Variants in BRINP3 observed in about 807,000 individuals in gnomAD.
BRINP3 encodes the protein BMP/retinoic acid-inducible neural-specific protein 3.
Under a neutral mutation model 71.0 loss-of-function variants are expected in BRINP3, and 19 were observed. The observed-to-expected ratio is 0.27, with a 90% confidence interval of 0.19 to 0.39. The LOEUF (loss-of-function observed/expected upper bound fraction) is 0.39, where lower values mean the gene tolerates loss of function less well. BRINP3 is among the 10% of genes least tolerant of loss of function. BRINP3 has a pLI of 1.00. For missense variants in BRINP3, 959 were observed against 940.8 expected (o/e 1.02, Z -0.25); for synonymous variants, 380 against 337.7 (o/e 1.13, Z -1.37).
At chr1:190,438,403 A>G (rs1377114378) in intron 2 of BRINP3, among the ~76,000 whole-genome samples, 2 of 151,756 alleles carry the variant, frequency 1.3e-5, no homozygotes, top group African/African-American at 2.4e-5. Flanking sequence ...CTCTCGATAT[A>G]TGTAAAACAG....
chr1:190,104,174 A>G (rs1477481375), intron 7 of BRINP3, among the ~76,000 whole-genome samples: 1 of 152,048 alleles, frequency 6.6e-6, no homozygotes, highest in Non-Finnish European at 1.5e-5. Context: ...TTATTGCCAT[A>G]GCAGGACAAC....
intron 2 of BRINP3, among the ~76,000 whole-genome samples, chr1:190,287,096 G>A (rs1055512104): frequency 6.6e-6 from 1 of 151,686 alleles, no homozygotes; most frequent in African/African-American, 2.4e-5. Context: ...CTGTGGTGGT[G>A]TGTGCCTGTA....
At chr1:190,432,051 C>CAT (rs1348093719) in intron 2 of BRINP3, among the ~76,000 whole-genome samples, 1 of 151,956 alleles carries the variant, frequency 6.6e-6, no homozygotes, top group Non-Finnish European at 1.5e-5. Context: ...CAAACATGTT[C>CAT]ATATATATAC....
Position 190,271,577 on chromosome 1 carries a change from T to A in BRINP3, c.428-6522A>T, listed in dbSNP as rs1298779489. 2.0e-5 allele frequency among the ~76,000 whole-genome samples: 3 copies of A among 151,734 alleles called. No individual in the cohort carries two copies. In the South Asian group the frequency reaches 6.2e-4, roughly 31 times the overall value. ...TTTAGCTAGTTTATCTTATTTGTGA[T>A]GAGAAGTTGGCCTTTCTACTTTTAC... is the stretch of plus-strand genomic sequence containing the variant. On this transcript the variant is annotated intron_variant, in intron 3 of 7. Transcript: ENST00000367462.
intron 5 of BRINP3, among the ~76,000 whole-genome samples, chr1:190,229,693 G>T (rs892483266): frequency 1.9e-5 from 2 of 103,162 alleles, no homozygotes; most frequent in South Asian, 3.4e-4. Flanking sequence ...CACACACAAA[G>T]AAACCACTAG....
Position 190,422,110 on chromosome 1 carries a change from A to G in BRINP3, c.236+32545T>C, listed in dbSNP as rs1673426589. ...ATTGACCTGAGGATAATTCTTTAAC[A>G]TTTTTTTTACATCTCAGCCTTCTAA... is the stretch of plus-strand genomic sequence containing the variant. On this transcript the variant is annotated intron_variant, in intron 2 of 7. Coordinates refer to ENST00000367462, the MANE Select transcript of BRINP3 (RefSeq NM_199051.3). Among the ~76,000 whole-genome samples, 5 of 151,420 alleles carry G rather than the reference A, an allele frequency of 3.3e-5. No homozygotes were observed. The Admixed American group carries it at 3.3e-4, about 10-fold the overall frequency.
intron 4 of BRINP3, among the ~76,000 whole-genome samples, chr1:190,257,229 A>G (rs1660743821): frequency 6.6e-6 from 1 of 152,000 alleles, no homozygotes; most frequent in African/African-American, 2.4e-5. Flanking sequence ...GCTTTATTTC[A>G]TTAATTTGAT....
rs530917615 is a variant in BRINP3 at position 190,278,695 on chromosome 1, T to A, written c.427+2865A>T. ...CTCAATCCAAGGAATATTCAGAGAT[T>A]AGAAACTGAGTAAGGTTGTTAATTC... On this transcript the variant is annotated intron_variant, in intron 3 of 7. Transcript: ENST00000367462. Among the ~76,000 whole-genome samples the A allele has an allele frequency of 9.9e-5, 15 of 151,766 alleles. No individual in the cohort carries two copies. In the East Asian group the frequency reaches 2.7e-3, roughly 27 times the overall value.
Position 190,098,755 on chromosome 1 carries a change from T to C in BRINP3, c.1564A>G (p.Asn522Asp). 6.2e-7 allele frequency: 1 copy of C among 1,614,196 alleles called. No homozygotes were observed. Among genetic ancestry groups the C allele is most frequent in the Non-Finnish European group, 8.5e-7 (1 of 1,180,034 alleles). The change falls in exon 8 of 8, where the codon AAT (asparagine) becomes GAT (aspartate). Residue 522 changes from asparagine (N) to aspartate (D), a missense_variant. By Grantham distance (23) the Asn-to-Asp change is conservative. Coordinates refer to ENST00000367462, the MANE Select transcript of BRINP3 (RefSeq NM_199051.3). Reference protein sequence around the residue: ...AIFISNDMRLNSWFDPSWRKR... With the variant: ...AIFISNDMRLDSWFDPSWRKR... ...CGCCAGGAGGGATCAAACCAGCTAT[T>C]GAGGCGCATGTCATTGCTGATAAAA...
Position 190,150,266 on chromosome 1 carries a change from ATG to A in BRINP3, c.1184+10400_1184+10401del, listed in dbSNP as rs10640861. Among the ~76,000 whole-genome samples, 675 of 127,840 alleles carry A rather than the reference ATG, an allele frequency of 5.3e-3. 26 individuals carry two copies. In the East Asian group the frequency reaches 0.15, roughly 28 times the overall value. 83.9% of individuals were successfully genotyped at this position (127,840 alleles called of 152,430 possible). On this transcript the variant is annotated intron_variant, in intron 7 of 7. Coordinates refer to ENST00000367462, the MANE Select transcript of BRINP3 (RefSeq NM_199051.3). ...TGAGTTGGTATATATGTGCATATCT[ATG>A]TGTGTGTGTGTGTGTGTGTGTACAT...
Position 190,343,008 on chromosome 1 carries a change from A to G in BRINP3, c.237-61258T>C, listed in dbSNP as rs1292139891. Among the ~76,000 whole-genome samples the G allele has an allele frequency of 2.0e-5, 3 of 151,810 alleles. No homozygotes were observed. In the East Asian group the frequency reaches 5.8e-4, roughly 29 times the overall value. On this transcript the variant is annotated intron_variant, in intron 2 of 7. Coordinates refer to ENST00000367462, the MANE Select transcript of BRINP3 (RefSeq NM_199051.3). ...TTCATTCAGTAGGATTCGAAGAACT[A>G]TGGTGGCTCTTTAAACAGAACTGCG...
chr1:190,249,245 C>T (rs1158449337), intron 4 of BRINP3, among the ~76,000 whole-genome samples: 1 of 151,716 alleles, frequency 6.6e-6, no homozygotes, highest in Non-Finnish European at 1.5e-5. Flanking sequence ...AAGCCTATTC[C>T]CCAGCAGCCC....
rs5779528 is a variant in BRINP3, at chr1:190,419,690, TACACAC to T, written c.236+34959_236+34964del. ...AACGTTATATTCACATATACATTTA[TACACAC>T]ACACACACACACACACACACACGTT... On this transcript the variant is annotated intron_variant, in intron 2 of 7. Coordinates refer to ENST00000367462, the MANE Select transcript of BRINP3 (RefSeq NM_199051.3). Among the ~76,000 whole-genome samples the T allele has an allele frequency of 3.3e-3, 494 of 148,444 alleles. 1 individual carries two copies. Among genetic ancestry groups the T allele is most frequent in the Middle Eastern group, 0.014 (4 of 290 alleles).
At chr1:190,453,237 T>TTTTTA (rs1675759936) in intron 2 of BRINP3, among the ~76,000 whole-genome samples, 1 of 119,888 alleles carries the variant, frequency 8.3e-6, no homozygotes. Context: ...TTTTTTTTTT[T>TTTTTA]TGAGACGGAG....
chr1:190,169,778 C>A (rs926321177), intron 6 of BRINP3, among the ~76,000 whole-genome samples: 5 of 151,984 alleles, frequency 3.3e-5, no homozygotes, highest in Non-Finnish European at 7.4e-5. Flanking sequence ...AATAAAATGT[C>A]TTTTATATAA....
intron 2 of BRINP3, among the ~76,000 whole-genome samples, chr1:190,312,433 G>A (rs529476182): frequency 1.3e-5 from 2 of 151,442 alleles, no homozygotes; most frequent in Non-Finnish European, 3.0e-5. Context: ...CCTTCCCAGT[G>A]ATCTCCTAAA....
At chr1:190,257,518 G>T (rs943926230) in intron 4 of BRINP3, among the ~76,000 whole-genome samples, 1 of 152,078 alleles carries the variant, frequency 6.6e-6, no homozygotes, top group African/African-American at 2.4e-5. Flanking sequence ...TTGTTCTGTT[G>T]CTGGTGAGGA....
chr1:190,375,964 A>T (rs1558231038), intron 2 of BRINP3, among the ~76,000 whole-genome samples: 1 of 151,990 alleles, frequency 6.6e-6, no homozygotes, highest in Non-Finnish European at 1.5e-5. Context: ...AAATTAAAAA[A>T]TCATCAGGCA....
In BRINP3 at chr1:190,108,422, C is replaced by T. The variant is rs539539975; in HGVS notation, c.1185-9288G>A. Among the ~76,000 whole-genome samples the T allele has an allele frequency of 3.2e-4, 49 of 151,758 alleles. No individual in the cohort carries two copies. In the South Asian group the frequency reaches 9.8e-3, roughly 30 times the overall value. Reference sequence around the variant, plus strand: ...AATGACAATTCATAACTTTAAAAGTCGGCTCATTTAAAATACTAATAGAAA... The same window carrying T: ...AATGACAATTCATAACTTTAAAAGTTGGCTCATTTAAAATACTAATAGAAA... On this transcript the variant is annotated intron_variant, in intron 7 of 7. Transcript: ENST00000367462.
Sources: allele counts gnomAD v4.1 joint callset (sites outside exome capture counted in the v4.1 genomes callset), GRCh38; gene constraint gnomAD v4.1.1; transcripts MANE v1.5; gene names NCBI Gene and HGNC (gene_info 2026-07-23, HGNC 2026-07-21).